Variants in OCA2 observed in about 807,000 individuals in gnomAD.
OCA2 encodes the protein P protein.
In OCA2, 77 loss-of-function variants were observed where a neutral mutation model predicts 100.2. The ratio of observed to expected loss-of-function variants is 0.77; its 90% CI spans 0.64 to 0.93. OCA2 has a LOEUF of 0.93. Among genes scored for constraint, OCA2 ranks in the 40% least tolerant of loss-of-function variants. OCA2 has a pLI of 0.00. For synonymous variants in OCA2, 432 were observed against 439.2 expected (o/e 0.98, Z 0.21); for missense variants, 1,062 against 1,089.1 (o/e 0.98, Z 0.35).
intron 1 of OCA2, among the ~76,000 whole-genome samples, chr15:28,093,085 C>T (rs932732432): frequency 1.3e-5 from 2 of 152,066 alleles, no homozygotes; most frequent in Non-Finnish European, 2.9e-5. Context: ...AGATCGTGAG[C>T]CATTAGGGAA....
intron 23 of OCA2, among the ~76,000 whole-genome samples, chr15:27,801,551 A>C (rs1242288959): frequency 1.3e-5 from 1 of 79,200 alleles, no homozygotes; most frequent in African/African-American, 1.1e-4. Flanking sequence ...ACTCGGTCTC[A>C]AAAAAAAAAA....
chr15:28,093,404 A>G (rs1428707549), intron 1 of OCA2, among the ~76,000 whole-genome samples: 4 of 80,478 alleles, frequency 5.0e-5, no homozygotes, highest in Non-Finnish European at 5.3e-5. Flanking sequence ...AGAGCAAAAC[A>G]CCGTCTCAAA....
At chr15:27,788,989 G>A (rs781316137) in intron 23 of OCA2, among the ~76,000 whole-genome samples, 10 of 151,962 alleles carry the variant, frequency 6.6e-5, no homozygotes, top group Non-Finnish European at 8.8e-5. Flanking sequence ...CTGCTCTAAG[G>A]TGGCCCATTC....
At chr15:27,938,556 G>A (rs1449204665) in intron 18 of OCA2, among the ~76,000 whole-genome samples, 1 of 152,210 alleles carries the variant, frequency 6.6e-6, no homozygotes, top group East Asian at 1.9e-4. Context: ...GCCATTAGAA[G>A]GCAGTAACTA....
chr15:27,747,162 A>C, the OCA2 span, among the ~76,000 whole-genome samples: 2 of 152,130 alleles, frequency 1.3e-5, 1 homozygote, highest in South Asian at 4.1e-4. Context: ...ACAACCACAC[A>C]GTGAGGAGGG....
At chr15:27,884,569 C>A (rs1325868525) in intron 19 of OCA2, among the ~76,000 whole-genome samples, 1 of 152,040 alleles carries the variant, frequency 6.6e-6, no homozygotes. Context: ...AGCTAGGTGA[C>A]CACTCTCGTT....
chr15:27,778,095 T>C (rs181379036), intron 23 of OCA2, among the ~76,000 whole-genome samples: 1 of 152,332 alleles, frequency 6.6e-6, no homozygotes, highest in Admixed American at 6.5e-5. Context: ...AAATTGACCC[T>C]ATTTTAGAAA....
chr15:28,056,510 C>T (rs2043702958), intron 2 of OCA2, among the ~76,000 whole-genome samples: 2 of 152,260 alleles, frequency 1.3e-5, no homozygotes, highest in Non-Finnish European at 2.9e-5. Context: ...GGTTGCCCTC[C>T]CTGCTCAGGG....
the OCA2 span, among the ~76,000 whole-genome samples, chr15:27,740,821 T>C: frequency 6.6e-6 from 1 of 152,168 alleles, no homozygotes; most frequent in African/African-American, 2.4e-5. Flanking sequence ...TCTGTCTCTG[T>C]CCCTACACAG....
chr15:27,803,429 G>A (rs77755226), intron 23 of OCA2, among the ~76,000 whole-genome samples: 3,158 of 152,248 alleles, frequency 0.021, 42 homozygotes, highest in Non-Finnish European at 0.029. Context: ...ATGCTACAAC[G>A]TGGATGGGCC....
At chr15:27,814,937 TAG>T (rs2034232729) in intron 23 of OCA2, among the ~76,000 whole-genome samples, 1 of 118,020 alleles carries the variant, frequency 8.5e-6, no homozygotes, top group African/African-American at 3.1e-5. Flanking sequence ...GATAGATAGA[TAG>T]ATAGATACAG....
intron 23 of OCA2, among the ~76,000 whole-genome samples, chr15:27,799,083 T>TA (rs1266769080): frequency 2.0e-5 from 3 of 151,608 alleles, no homozygotes. Flanking sequence ...AAAAACATGA[T>TA]TATTCTCATT....
At chr15:27,919,016 G>GA (rs1348527711) in intron 19 of OCA2, among the ~76,000 whole-genome samples, 5 of 152,042 alleles carry the variant, frequency 3.3e-5, no homozygotes, top group Admixed American at 2.6e-4. Flanking sequence ...AAGATATACA[G>GA]AAAAAATTTA....
intron 23 of OCA2, among the ~76,000 whole-genome samples, chr15:27,801,550 C>CAAAAAAAAAA (rs34636608): frequency 1.4e-3 from 53 of 37,828 alleles, no homozygotes; most frequent in South Asian, 2.2e-3. Context: ...GACTCGGTCT[C>CAAAAAAAAAA]AAAAAAAAAA....
At chr15:28,068,524 C>G (rs1595903056) in intron 2 of OCA2, among the ~76,000 whole-genome samples, 1 of 152,198 alleles carries the variant, frequency 6.6e-6, no homozygotes, top group African/African-American at 2.4e-5. Flanking sequence ...CAAAGAAGAA[C>G]TGATATCAAT....
At chr15:27,925,121 C>T (rs2038997837) in intron 19 of OCA2, among the ~76,000 whole-genome samples, 1 of 152,186 alleles carries the variant, frequency 6.6e-6, no homozygotes, top group South Asian at 2.1e-4. Context: ...AGGAAAAATA[C>T]CCAATCCAAC....
intron 23 of OCA2, among the ~76,000 whole-genome samples, chr15:27,812,398 G>A (rs1317488531): frequency 6.6e-6 from 1 of 152,216 alleles, no homozygotes; most frequent in Non-Finnish European, 1.5e-5. Context: ...CGCAGGGAAG[G>A]TGCTGGCCTC....
the OCA2 span, among the ~76,000 whole-genome samples, chr15:27,749,567 G>A: frequency 2.0e-4 from 31 of 152,108 alleles, 1 homozygote; most frequent in South Asian, 8.3e-4. Flanking sequence ...ATTAGTAGAT[G>A]ACATAATGAT....
the OCA2 span, among the ~76,000 whole-genome samples, chr15:27,743,990 C>A: frequency 6.6e-6 from 1 of 152,150 alleles, no homozygotes; most frequent in Admixed American, 6.5e-5. Context: ...CCCCAGGAAA[C>A]CTCTCACTGA....
Sources: gnomAD v4.1 joint callset for allele counts (sites outside exome capture counted in the v4.1 genomes callset) on GRCh38, gnomAD v4.1.1 for gene constraint, MANE v1.5 for transcripts, NCBI Gene and HGNC (gene_info 2026-07-23, HGNC 2026-07-21) for gene names.